The following DEPDC1 variants were observed in gnomAD, a reference collection of about 807,000 sequenced individuals.
DEPDC1 encodes the protein DEP domain containing 1.
DEPDC1 carries 66 observed loss-of-function variants against 86.8 expected under a neutral mutation model. The observed-to-expected ratio is 0.76, with a 90% CI of 0.62 to 0.93. The LOEUF (loss-of-function observed/expected upper bound fraction) is 0.93. DEPDC1 is among the 40% of genes least tolerant of loss of function. The pLI is 0.00. For missense variants in DEPDC1, 792 were observed against 935.7 expected, an observed-to-expected ratio of 0.85 and a Z score of 2.00; for synonymous variants, 255 against 314.9, an observed-to-expected ratio of 0.81 and a Z score of 2.02.
chr1:68,483,420 T>G, intron 7 of DEPDC1: 1 of 460,908 alleles, frequency 2.2e-6, no homozygotes, highest in East Asian at 5.8e-5. Flanking sequence ...AACTACAACC[T>G]TGTGGGAGGA....
chr1:68,480,826 T>C (rs1419294805), intron 9 of DEPDC1, among the ~76,000 whole-genome samples: 2 of 151,922 alleles, frequency 1.3e-5, no homozygotes, highest in Non-Finnish European at 2.9e-5. Context: ...AAGAACCTCT[T>C]GTAAATTGAA....
intron 5 of DEPDC1, among the ~76,000 whole-genome samples, 180 bp from the exon 6 acceptor site, chr1:68,487,164 C>T (rs1389785637): frequency 1.3e-5 from 2 of 151,802 alleles, no homozygotes; most frequent in Non-Finnish European, 2.9e-5. Context: ...GACACAGGAT[C>T]AAGTCAATAT....
chr1:68,489,169 T>C, intron 3 of DEPDC1, 135 bp from the exon 4 acceptor site: 1 of 650,004 alleles, frequency 1.5e-6, no homozygotes, highest in Non-Finnish European at 2.6e-6. Context: ...AATATGGTAA[T>C]GGAGTTTTTA....
chr1:68,489,202 C>T (rs533040138), intron 3 of DEPDC1, among the ~76,000 whole-genome samples, 168 bp from the exon 4 acceptor site: 24 of 151,834 alleles, frequency 1.6e-4, no homozygotes, highest in Non-Finnish European at 2.1e-4. Flanking sequence ...TCCCTACCAC[C>T]CTCAAATCAA....
Position 68,481,457 on chromosome 1 carries a change from T to C in DEPDC1, c.1918A>G (p.Met640Val), listed in dbSNP as rs745695858. 3.7e-6 allele frequency: 6 copies of C among 1,611,982 alleles called. No individual in the cohort carries two copies. Among genetic ancestry groups the C allele is most frequent in the Middle Eastern group, 1.7e-4 (1 of 6,030 alleles). The change falls in exon 9 of 12, where the codon ATG (methionine) becomes GTG (valine). Residue 640 changes from methionine (M) to valine (V), a missense_variant. Physicochemically the swap from Met to Val is conservative, Grantham distance 21. Coordinates refer to ENST00000456315, the MANE Select transcript of DEPDC1 (RefSeq NM_001114120.3). The stretch of plus-strand genomic sequence containing the variant: ...CAACTTACCAGTGACCTCGTACCCA[T>C]TGCATCATGAAGTTTGGGCATATCA... Reference protein sequence around the residue: ...NVDMPKLHDAMGTRSLMIHTF... With the variant: ...NVDMPKLHDAVGTRSLMIHTF...
chr1:68,490,777 C>G (rs1410795509), intron 2 of DEPDC1, among the ~76,000 whole-genome samples: 6 of 152,044 alleles, frequency 3.9e-5, no homozygotes, highest in Non-Finnish European at 5.9e-5. Flanking sequence ...TACCAGAATT[C>G]AAACTATACT....
At chr1:68,486,287 G>A (rs193076343) in intron 6 of DEPDC1, among the ~76,000 whole-genome samples, 239 of 151,904 alleles carry the variant, frequency 1.6e-3, no homozygotes, top group Non-Finnish European at 2.8e-3. Flanking sequence ...TTAAAAGTGC[G>A]TACCACCTCT....
At chr1:68,492,113 A>G (rs965228868) in intron 2 of DEPDC1, among the ~76,000 whole-genome samples, 2 of 152,102 alleles carry the variant, frequency 1.3e-5, no homozygotes, top group South Asian at 2.1e-4. Flanking sequence ...TGAACACCTC[A>G]GAAGTTTGAC....
At chr1:68,491,887 C>T (rs1367477613) in intron 2 of DEPDC1, among the ~76,000 whole-genome samples, 3 of 151,714 alleles carry the variant, frequency 2.0e-5, no homozygotes, top group Non-Finnish European at 4.4e-5. Context: ...GTAGATGAGA[C>T]CACAGGCATA....
intron 1 of DEPDC1, among the ~76,000 whole-genome samples, chr1:68,495,567 C>A (rs1401995154): frequency 6.6e-6 from 1 of 152,178 alleles, no homozygotes; most frequent in African/African-American, 2.4e-5. Context: ...GCTGCTCACT[C>A]TGTACTGGCC....
Position 68,496,859 on chromosome 1 carries a change from C to G in DEPDC1, c.48+93G>C, listed in dbSNP as rs1210416089. 1.5e-6 allele frequency: 2 copies of G among 1,303,832 alleles called. No homozygotes were observed. The highest frequency in any genetic ancestry group is 4.8e-5 in the East Asian group (2 of 41,544). 80.8% of individuals were successfully genotyped at this position (1,303,832 alleles called of 1,614,324 possible). On this transcript the variant is annotated intron_variant, in intron 1 of 11. Transcript: ENST00000456315. This position sits in a 1 kb window ranked among gnomAD's most constrained non-coding sequence, Gnocchi z 4.0. ...GGATCCTGGGACTCATCCCTCCGACCGAGGTAAAACTGCGAACGGTCGAGG... is the reference window on the plus strand; with the variant it reads ...GGATCCTGGGACTCATCCCTCCGACGGAGGTAAAACTGCGAACGGTCGAGG...
intron 4 of DEPDC1, 83 bp downstream of exon 4, chr1:68,488,833 A>G: frequency 1.1e-6 from 1 of 920,250 alleles, no homozygotes; most frequent in Non-Finnish European, 1.8e-6. Flanking sequence ...ATCTGTTCTG[A>G]TTCATTTGCA....
chr1:68,479,094 G>A, intron 10 of DEPDC1, 50 bp downstream of exon 10: 1 of 1,476,972 alleles, frequency 6.8e-7, no homozygotes, highest in Non-Finnish European at 9.2e-7. Flanking sequence ...AGATGAGTTT[G>A]CCACTTGCAA....
intron 2 of DEPDC1, among the ~76,000 whole-genome samples, chr1:68,492,561 G>A (rs1048821835): frequency 2.0e-5 from 3 of 152,038 alleles, no homozygotes; most frequent in African/African-American, 7.2e-5. Flanking sequence ...TCAAAAATTA[G>A]CTGGGCGTGG....
Position 68,488,959 on chromosome 1 carries a change from G to A in DEPDC1, c.547C>T (p.Gln183Ter). The A allele has an allele frequency of 6.2e-7, 1 of 1,604,054 alleles. No individual in the cohort carries two copies. Among genetic ancestry groups the A allele is most frequent in the Non-Finnish European group, 8.5e-7 (1 of 1,173,982 alleles). Residue 183 changes from glutamine to a stop codon, truncating the protein, a stop_gained, in exon 4 of 12, where the codon CAG becomes TAG. Coordinates refer to ENST00000456315, the MANE Select transcript of DEPDC1 (RefSeq NM_001114120.3). LOFTEE classifies it high-confidence loss of function. ...ENAIDNRELS[Q>*]EDVEEVWRYV... Reference sequence around the variant, plus strand: ...CTCCAAACTTCTTCAACATCTTCCTGGCTTAGTTCTCTATTATCAATTGCA... The same window carrying A: ...CTCCAAACTTCTTCAACATCTTCCTAGCTTAGTTCTCTATTATCAATTGCA...
intron 1 of DEPDC1, 69 bp from the exon 2 acceptor site, chr1:68,494,764 A>G: frequency 8.0e-7 from 1 of 1,255,904 alleles, no homozygotes; most frequent in Non-Finnish European, 1.1e-6. Flanking sequence ...TTTGAAGTAC[A>G]TTAGGTAAAG....
chr1:68,488,341 T>C, intron 5 of DEPDC1, 33 bp downstream of exon 5: 1 of 1,550,000 alleles, frequency 6.5e-7, no homozygotes. Context: ...GTTGGCAAGT[T>C]TTTAAAAGTC....
At chr1:68,493,778 C>T (rs1646244667) in intron 2 of DEPDC1, among the ~76,000 whole-genome samples, 1 of 152,128 alleles carries the variant, frequency 6.6e-6, no homozygotes, top group African/African-American at 2.4e-5. Context: ...TGCAGTGGTG[C>T]AATCTCAGCT....
chr1:68,487,011 G>A, intron 5 of DEPDC1, 27 bp from the exon 6 acceptor site: 1 of 1,582,716 alleles, frequency 6.3e-7, no homozygotes, highest in Non-Finnish European at 8.6e-7. Context: ...ATATTACTAA[G>A]TAAACCATAC....
Sources: gnomAD v4.1 joint callset for allele counts (sites outside exome capture counted in the v4.1 genomes callset) on GRCh38, gnomAD v4.1.1 for gene constraint, Gnocchi (gnomAD v3.1) non-coding constraint, MANE v1.5 for transcripts, NCBI Gene and HGNC (gene_info 2026-07-23, HGNC 2026-07-21) for gene names.